Variants in BCAS1 observed in about 807,000 individuals in gnomAD.
BCAS1 encodes breast carcinoma-amplified sequence 1.
A neutral mutation model predicts 65.4 loss-of-function variants in BCAS1; 46 were observed. That is an observed-to-expected ratio of 0.70 (90% confidence interval 0.55 to 0.90). The LOEUF is 0.90. Among genes scored for constraint, BCAS1 ranks in the 40% least tolerant of loss-of-function variants. The probability of loss-of-function intolerance (pLI) is 0.00; values close to 1 mark genes in which losing one functional copy is unlikely to be tolerated. For missense variants in BCAS1, 793 were observed against 771.2 expected, an observed-to-expected ratio of 1.03 and a Z score of -0.33; for synonymous variants, 298 against 293.5, an observed-to-expected ratio of 1.02 and a Z score of -0.16.
intron 3 of BCAS1, among the ~76,000 whole-genome samples, chr20:54,049,145 T>C (rs2092164354): frequency 6.6e-6 from 1 of 152,232 alleles, no homozygotes; most frequent in African/African-American, 2.4e-5. Flanking sequence ...ACTCATTATG[T>C]TATTGGCAGG....
intron 3 of BCAS1, among the ~76,000 whole-genome samples, chr20:54,030,100 T>A (rs1163703870): frequency 6.6e-6 from 1 of 152,186 alleles, no homozygotes; most frequent in African/African-American, 2.4e-5. Context: ...GTTTCCAACA[T>A]CCACCCTTTC....
At chr20:53,992,467 A>C in intron 7 of BCAS1, 45 bp downstream of exon 7, 1 of 1,358,698 alleles carries the variant, frequency 7.4e-7, no homozygotes, top group Non-Finnish European at 9.8e-7. Flanking sequence ...TGTCTTGTGA[A>C]GACCAGAGTT....
chr20:53,987,481 C>T (rs2090643198), intron 7 of BCAS1, among the ~76,000 whole-genome samples: 1 of 152,126 alleles, frequency 6.6e-6, no homozygotes, highest in Non-Finnish European at 1.5e-5. Context: ...GGGTAAGTAC[C>T]CCTCCTCCTA....
rs750047226 is a variant in BCAS1 at position 53,992,593 on chromosome 20, C to G, written c.981G>C (p.Glu327Asp). 2 of 1,365,746 alleles carry G rather than the reference C, an allele frequency of 1.5e-6. No individual in the cohort carries two copies. Among genetic ancestry groups the G allele is most frequent in the Non-Finnish European group, 9.8e-7 (1 of 1,021,750 alleles). The allele number at this position is 1,365,746 out of a possible 1,614,324, so 84.6% of individuals were successfully genotyped here. A position where few individuals can be genotyped will look rare whatever the true frequency, so the allele number is the denominator to read the frequency against. Reference sequence around the variant, plus strand: ...TTTTCTTGGTGCCTCTAGCCTGGATCTCGGATGTCTTCTGACCAGCTTGTC... The same window carrying G: ...TTTTCTTGGTGCCTCTAGCCTGGATGTCGGATGTCTTCTGACCAGCTTGTC... ...CDGQAGQKTS[E>D]IQARGTKKKH... is the part of the protein sequence containing the mutation. The change falls in exon 7 of 13, where the codon GAG (glutamate) becomes GAC (aspartate). Residue 327 changes from glutamate to aspartate, a missense_variant. Transcript: ENST00000688948.
intron 6 of BCAS1, among the ~76,000 whole-genome samples, chr20:53,994,115 T>C (rs1292351775): frequency 1.3e-5 from 2 of 152,206 alleles, no homozygotes; most frequent in Admixed American, 6.5e-5. Flanking sequence ...TCTAGGATCC[T>C]CTTTTCACAG....
rs1374782635 is a variant in BCAS1 at position 54,045,160 on chromosome 20, G to C, written c.142+12925C>G. On this transcript the variant is annotated intron_variant, in intron 3 of 12. Transcript: ENST00000688948. ...CCTGGAGGTCAAGGCTGCAGTGAGT[G>C]ATGATCATGCCATTGCACTCCAGCT... Among the ~76,000 whole-genome samples the C allele has an allele frequency of 2.7e-5, 4 of 150,270 alleles. No homozygotes were observed. The South Asian group carries it at 8.4e-4, about 32-fold the overall frequency.
At chr20:53,948,319 T>C (rs774299464) in intron 12 of BCAS1, among the ~76,000 whole-genome samples, 5 of 152,222 alleles carry the variant, frequency 3.3e-5, no homozygotes, top group Admixed American at 6.5e-5. Context: ...GCCTGAACTT[T>C]GCAATAGATG....
intron 8 of BCAS1, among the ~76,000 whole-genome samples, chr20:53,981,128 A>G (rs190905664): frequency 6.6e-6 from 1 of 152,344 alleles, no homozygotes; most frequent in East Asian, 1.9e-4. Flanking sequence ...ATATGGTAAC[A>G]CTTAAGCCAG....
chr20:53,951,139 G>T (rs1600687893), intron 12 of BCAS1, among the ~76,000 whole-genome samples: 1 of 152,210 alleles, frequency 6.6e-6, no homozygotes, highest in East Asian at 1.9e-4. Flanking sequence ...TCCCTGGGTG[G>T]TGTTCATTTT....
chr20:54,025,079 G>A (rs759908073), intron 4 of BCAS1, among the ~76,000 whole-genome samples: 33 of 152,096 alleles, frequency 2.2e-4, no homozygotes, highest in Non-Finnish European at 3.5e-4. Flanking sequence ...AGTAACGATT[G>A]CAGGATTTAA....
rs567971070 is a variant in BCAS1, at chr20:54,037,490, A to G, written c.143-8518T>C. ...AACGACATCAAGCTGTAAAAACAAT[A>G]GCTAACATTCATTGACTGTTTCCCA... On this transcript the variant is annotated intron_variant, in intron 3 of 12. Coordinates refer to ENST00000688948, the MANE Select transcript of BCAS1 (RefSeq NM_001366298.2). Among the ~76,000 whole-genome samples the G allele has an allele frequency of 2.6e-5, 4 of 151,634 alleles. No homozygotes were observed. The South Asian group carries it at 8.3e-4, about 32-fold the overall frequency.
intron 3 of BCAS1, among the ~76,000 whole-genome samples, chr20:54,031,102 T>A (rs2091790504): frequency 6.6e-6 from 1 of 151,336 alleles, no homozygotes; most frequent in African/African-American, 2.4e-5. Context: ...AACTTATATC[T>A]TTCAGTTTAA....
intron 1 of BCAS1, among the ~76,000 whole-genome samples, chr20:54,063,957 C>T (rs1046001786): frequency 2.0e-5 from 3 of 151,354 alleles, no homozygotes; most frequent in Admixed American, 6.6e-5. Context: ...GTCTTTATGA[C>T]CTTATTTTAC....
chr20:54,050,969 TA>T (rs1399356549), intron 3 of BCAS1, among the ~76,000 whole-genome samples: 1 of 152,212 alleles, frequency 6.6e-6, no homozygotes, highest in Non-Finnish European at 1.5e-5. Context: ...CTCAAGGTGG[TA>T]AAAAGCCTTT....
intron 10 of BCAS1, among the ~76,000 whole-genome samples, chr20:53,961,419 T>C (rs2089873842): frequency 1.3e-5 from 2 of 152,340 alleles, no homozygotes; most frequent in South Asian, 4.1e-4. Context: ...AGGTAATGGA[T>C]CTGAGCTTAG....
chr20:54,005,044 T>C lies in BCAS1; in HGVS notation c.724-8994A>G, dbSNP rs2091150598. Among the ~76,000 whole-genome samples the C allele has an allele frequency of 2.6e-5, 4 of 152,246 alleles. No individual in the cohort carries two copies. The South Asian group carries it at 8.3e-4, about 32-fold the overall frequency. ...TTATTATTGTGTTTAATTTAATTAC[T>C]GAGCACTGTGGTAAGCTGTGAGATT... On this transcript the variant is annotated intron_variant, in intron 4 of 12. Coordinates refer to ENST00000688948, the MANE Select transcript of BCAS1 (RefSeq NM_001366298.2).
At chr20:54,042,248 G>A (rs572018968) in intron 3 of BCAS1, among the ~76,000 whole-genome samples, 45 of 152,008 alleles carry the variant, frequency 3.0e-4, no homozygotes, top group African/African-American at 1.0e-3. Context: ...GAGCCTACTT[G>A]AGGGTGGGAG....
At chr20:54,033,256 A>C (rs2091838081) in intron 3 of BCAS1, among the ~76,000 whole-genome samples, 2 of 151,140 alleles carry the variant, frequency 1.3e-5, no homozygotes, top group Non-Finnish European at 3.0e-5. Context: ...AACTGAGAGC[A>C]GAAAAACCTG....
At chr20:53,964,847 G>A (rs1390233734) in intron 10 of BCAS1, among the ~76,000 whole-genome samples, 2 of 147,592 alleles carry the variant, frequency 1.4e-5, no homozygotes, top group Non-Finnish European at 1.5e-5. Flanking sequence ...ACTTTTCCCT[G>A]TTTTAAATGA....
Sources: gnomAD v4.1 joint callset for allele counts (sites outside exome capture counted in the v4.1 genomes callset) on GRCh38, gnomAD v4.1.1 for gene constraint, MANE v1.5 for transcripts, NCBI Gene and HGNC (gene_info 2026-07-23, HGNC 2026-07-21) for gene names.